Variants in GAPVD1 observed in about 807,000 individuals in gnomAD.
GAPVD1 encodes the protein GTPase-activating protein and VPS9 domain-containing protein 1.
In GAPVD1, 35 loss-of-function variants were observed where a neutral mutation model predicts 155.5. The observed-to-expected ratio is 0.23, with a 90% CI of 0.17 to 0.30. The LOEUF (loss-of-function observed/expected upper bound fraction) is 0.30, where lower values mean the gene tolerates loss of function less well. Ranked by LOEUF, GAPVD1 falls within the 10% of genes least tolerant of loss-of-function variation. The pLI is 1.00. For missense variants in GAPVD1, 1,429 were observed against 1,775.7 expected (o/e 0.80, Z 3.51); for synonymous variants, 636 against 619.7 (o/e 1.03, Z -0.39).
At chr9:125,277,361 C>T (rs150951679) in intron 2 of GAPVD1, among the ~76,000 whole-genome samples, 104 of 152,212 alleles carry the variant, frequency 6.8e-4, no homozygotes, top group African/African-American at 2.2e-3. Flanking sequence ...ATATCTGAGT[C>T]AAGGGACTGT....
At chr9:125,275,795 A>G (rs1588567730) in intron 2 of GAPVD1, among the ~76,000 whole-genome samples, 1 of 152,188 alleles carries the variant, frequency 6.6e-6, no homozygotes, top group African/African-American at 2.4e-5. Context: ...TAACATTGCC[A>G]ATTTCATTAG....
chr9:125,268,684 A>C (rs1415046823), intron 1 of GAPVD1, among the ~76,000 whole-genome samples: 1 of 151,432 alleles, frequency 6.6e-6, no homozygotes, highest in Admixed American at 6.6e-5. Context: ...TTTGTATTTT[A>C]TTTTTGTTTG....
intron 1 of GAPVD1, chr9:125,263,542 G>A (rs1387966929): frequency 1.1e-6 from 1 of 874,802 alleles, no homozygotes; most frequent in Non-Finnish European, 1.8e-6. Context: ...TTTTTTTTTT[G>A]GTTGTAAGTT....
At chr9:125,275,859 G>T (rs2131972487) in intron 2 of GAPVD1, among the ~76,000 whole-genome samples, 1 of 152,320 alleles carries the variant, frequency 6.6e-6, no homozygotes, top group South Asian at 2.1e-4. Flanking sequence ...AATAGTCATG[G>T]AACATTAGTA....
At position 125,307,896 on chromosome 9, in the gene GAPVD1, C is replaced by A; in HGVS notation, c.1441+16C>A. The A allele has an allele frequency of 6.6e-7, 1 of 1,504,886 alleles. No individual in the cohort carries two copies. Among genetic ancestry groups the A allele is most frequent in the Non-Finnish European group, 9.3e-7 (1 of 1,080,346 alleles). 93.2% of individuals were successfully genotyped at this position (1,504,886 alleles called of 1,614,324 possible). A position where few individuals can be genotyped will look rare whatever the true frequency, so the allele number is the denominator to read the frequency against. Reference sequence around the variant, plus strand: ...TTACCTATAGGTAAAGAGAATTTCTCGTATTGGAGCTTTCTCTTAAATCTA... The same window carrying A: ...TTACCTATAGGTAAAGAGAATTTCTAGTATTGGAGCTTTCTCTTAAATCTA... On this transcript the variant is annotated intron_variant, in intron 8 of 27. Coordinates refer to ENST00000297933, the MANE Select transcript of GAPVD1 (RefSeq NM_001282680.3).
intron 15 of GAPVD1, chr9:125,335,257 G>A: frequency 1.4e-6 from 1 of 723,170 alleles, no homozygotes; most frequent in East Asian, 2.5e-5. Context: ...CTTCTAGTAA[G>A]CTGTACATTA....
intron 2 of GAPVD1, among the ~76,000 whole-genome samples, chr9:125,281,283 A>G (rs1836748198): frequency 6.6e-6 from 1 of 152,096 alleles, no homozygotes; most frequent in East Asian, 1.9e-4. Flanking sequence ...ATTTAGAAGT[A>G]TATTATTTGT....
chr9:125,359,551 A>G, intron 26 of GAPVD1, 59 bp downstream of exon 26: 1 of 837,364 alleles, frequency 1.2e-6, no homozygotes, highest in Non-Finnish European at 2.1e-6. Context: ...TTATTATACC[A>G]TATAATGTTA....
At chr9:125,328,940 C>T (rs1338138476) in intron 12 of GAPVD1, among the ~76,000 whole-genome samples, 2 of 152,202 alleles carry the variant, frequency 1.3e-5, no homozygotes, top group African/African-American at 2.4e-5. Flanking sequence ...GGAGACCGCC[C>T]GGCCAACACA....
intron 15 of GAPVD1, among the ~76,000 whole-genome samples, chr9:125,334,549 A>G (rs192112464): frequency 7.2e-5 from 11 of 152,298 alleles, no homozygotes; most frequent in Admixed American, 4.6e-4. Context: ...GAAGAATGAC[A>G]GATAAACTGT....
intron 17 of GAPVD1, among the ~76,000 whole-genome samples, chr9:125,340,098 G>A (rs1327173265): frequency 2.0e-5 from 3 of 152,136 alleles, no homozygotes; most frequent in Non-Finnish European, 4.4e-5. Context: ...TCGGGTCACC[G>A]CAACCTCCAC....
intron 2 of GAPVD1, among the ~76,000 whole-genome samples, chr9:125,287,553 G>A (rs895908997): frequency 6.6e-6 from 1 of 152,122 alleles, no homozygotes; most frequent in African/African-American, 2.4e-5. Flanking sequence ...TTTGGCAGGA[G>A]CAGGAAAGTT....
At position 125,302,794 on chromosome 9, in the gene GAPVD1, A is replaced by G. The variant is rs1332219180; in HGVS notation, c.997A>G (p.Ile333Val). Residue 333 changes from isoleucine to valine, a missense_variant, in exon 5 of 28, where the codon ATT becomes GTT. Coordinates refer to ENST00000297933, the MANE Select transcript of GAPVD1 (RefSeq NM_001282680.3). ...ATATGGAATAATTTCCGATGCTCCT[A>G]TTAATGAAGTAGCACGATTTAATCT... ...EQYGIISDAP[I>V]NEVARFNLMQ... The G allele has an allele frequency of 2.5e-6, 4 of 1,608,842 alleles. No individual in the cohort carries two copies. Among genetic ancestry groups the G allele is most frequent in the African/African-American group, 1.3e-5 (1 of 74,746 alleles).
chr9:125,286,624 A>G (rs1837748833), intron 2 of GAPVD1, among the ~76,000 whole-genome samples: 1 of 152,202 alleles, frequency 6.6e-6, no homozygotes, highest in Admixed American at 6.5e-5. Context: ...ACTGGTGACA[A>G]TGCAAATATT....
chr9:125,328,133 G>A (rs998258717), intron 12 of GAPVD1, among the ~76,000 whole-genome samples: 3 of 149,092 alleles, frequency 2.0e-5, no homozygotes, highest in East Asian at 3.9e-4. Flanking sequence ...TAACACAGAC[G>A]TATAATAATG....
intron 8 of GAPVD1, among the ~76,000 whole-genome samples, chr9:125,311,040 C>T (rs1437926814): frequency 2.0e-5 from 3 of 151,696 alleles, no homozygotes; most frequent in African/African-American, 7.3e-5. Flanking sequence ...GGGGTTTCAC[C>T]ATGTTGGCCA....
chr9:125,284,009 G>A (rs750399728), intron 2 of GAPVD1, among the ~76,000 whole-genome samples: 1 of 151,742 alleles, frequency 6.6e-6, no homozygotes, highest in Non-Finnish European at 1.5e-5. Context: ...AAGTAGCCAG[G>A]ACTACAGGTA....
At chr9:125,266,127 ATTTTT>A (rs67315433) in intron 1 of GAPVD1, among the ~76,000 whole-genome samples, 2 of 138,426 alleles carry the variant, frequency 1.4e-5, no homozygotes, top group African/African-American at 2.7e-5. Context: ...GATATCTATA[ATTTTT>A]TTTTTTTTTT....
At chr9:125,329,637 T>G (rs76355245) in intron 12 of GAPVD1, among the ~76,000 whole-genome samples, 750 of 41,726 alleles carry the variant, frequency 0.018, 8 homozygotes, top group African/African-American at 0.056. Flanking sequence ...TTTGGTGGTT[T>G]TTTTTTTTTT....
Sources: allele counts gnomAD v4.1 joint callset (sites outside exome capture counted in the v4.1 genomes callset), GRCh38; gene constraint gnomAD v4.1.1; transcripts MANE v1.5; gene names NCBI Gene and HGNC (gene_info 2026-07-23, HGNC 2026-07-21).